NLE1: variants seen among roughly 807,000 people sequenced by gnomAD.
NLE1 encodes the protein notchless protein homolog 1.
A neutral mutation model predicts 62.8 loss-of-function variants in NLE1; 37 were observed. The observed-to-expected ratio is 0.59, with a 90% CI of 0.45 to 0.78. NLE1 has a LOEUF of 0.78. Ranked by LOEUF, NLE1 falls within the 30% of genes least tolerant of loss-of-function variation. The pLI, the probability that NLE1 is intolerant of heterozygous loss-of-function variation, is 0.00. For missense variants in NLE1, 555 were observed against 637.9 expected (o/e 0.87, Z 1.40); for synonymous variants, 243 against 253.0 (o/e 0.96, Z 0.37).
At chr17:35,141,098 G>A (rs1310888922) in intron 2 of NLE1, among the ~76,000 whole-genome samples, 2 of 152,162 alleles carry the variant, frequency 1.3e-5, no homozygotes, top group South Asian at 2.1e-4. Flanking sequence ...CACTATATTT[G>A]TGTAAAAAGC....
chr17:35,139,795 A>G lies in NLE1; in HGVS notation c.380+54T>C, dbSNP rs1597894332. 7 of 1,587,040 alleles carry G rather than the reference A, an allele frequency of 4.4e-6. No homozygotes were observed. The East Asian group carries it at 9.0e-5, about 20-fold the overall frequency. On this transcript the variant is annotated intron_variant, in intron 3 of 12. Coordinates refer to ENST00000442241, the MANE Select transcript of NLE1 (RefSeq NM_018096.5). ...AACTCTGGGAGACCCTCCCCAAACCAGGCAAAGACTGCACCCCCACATACC... is the reference window on the plus strand; with the variant it reads ...AACTCTGGGAGACCCTCCCCAAACCGGGCAAAGACTGCACCCCCACATACC...
At chr17:35,141,758 T>C (rs922335252) in intron 2 of NLE1, among the ~76,000 whole-genome samples, 1 of 152,136 alleles carries the variant, frequency 6.6e-6, no homozygotes, top group Non-Finnish European at 1.5e-5. Context: ...CAGCATCCGG[T>C]GCGTTCAAAG....
In NLE1 at chr17:35,130,202, A is replaced by G. The variant is rs1444011644; in HGVS notation, c.*2235T>C. On this transcript the variant is annotated 3_prime_UTR_variant, in exon 13 of 13. Transcript: ENST00000442241. ...AAGGTCTGAGTCAGCAGACAGAAAA[A>G]AAAGGGGTGATAGAGACAGAGAGAG... 21 of 1,542,598 alleles carry G rather than the reference A, an allele frequency of 1.4e-5. No individual in the cohort carries two copies. Among genetic ancestry groups the G allele is most frequent in the Non-Finnish European group, 1.8e-5 (21 of 1,147,384 alleles).
rs1320641848 is a variant in NLE1, at chr17:35,141,988, T to C, written c.153A>G (p.Leu51=). The C allele has an allele frequency of 1.3e-6, 2 of 1,585,716 alleles. No homozygotes were observed. The highest frequency in any genetic ancestry group is 1.7e-6 in the Non-Finnish European group (2 of 1,167,388). The change falls in exon 2 of 13, where the codon CTA becomes CTG. Residue 51 remains leucine (L), a synonymous_variant. Coordinates refer to ENST00000442241, the MANE Select transcript of NLE1 (RefSeq NM_018096.5). ...CTGGCCAGCCACTTACCTGGGCCAGTAGCGCGTTGCACACGAGCTGCAGCC... is the reference window on the plus strand; with the variant it reads ...CTGGCCAGCCACTTACCTGGGCCAGCAGCGCGTTGCACACGAGCTGCAGCC... ...PDRLQLVCNA[L]LAQEDPLPLA... is the part of the protein sequence containing the mutation.
rs2091879534 is a variant in NLE1, at chr17:35,132,173, A to AG, written c.*263dup. ...GCTGCCCACCACCCCTGTCTGTACC[A>AG]GCAAGGTACAGAGTAGCAGACACGG... On this transcript the variant is annotated 3_prime_UTR_variant, in exon 13 of 13. Coordinates refer to ENST00000442241, the MANE Select transcript of NLE1 (RefSeq NM_018096.5). The AG allele has an allele frequency of 3.0e-6, 1 of 331,554 alleles. No homozygotes were observed. Among genetic ancestry groups the AG allele is most frequent in the Admixed American group, 4.9e-5 (1 of 20,404 alleles). The allele number at this position is 331,554 out of a possible 1,614,324, so 20.5% of individuals were successfully genotyped here. A position where few individuals can be genotyped will look rare whatever the true frequency, so the allele number is the denominator to read the frequency against.
chr17:35,135,219 T>C (rs985956722), intron 10 of NLE1, 30 bp downstream of exon 10: 2 of 1,609,346 alleles, frequency 1.2e-6, no homozygotes, highest in Admixed American at 3.3e-5. Flanking sequence ...ATTCACTCCT[T>C]ACAGAGAAGC....
chr17:35,142,216 G>T, intron 1 of NLE1, 42 bp downstream of exon 1: 1 of 1,565,584 alleles, frequency 6.4e-7, no homozygotes. Flanking sequence ...GGGCCCTAGC[G>T]CCCCGCGGCG....
chr17:35,133,100 G>C (rs2091886880), intron 12 of NLE1, 71 bp downstream of exon 12: 1 of 1,414,434 alleles, frequency 7.1e-7, no homozygotes, highest in Admixed American at 1.7e-5. Context: ...TGCTGTAAGG[G>C]AAAGTGTGCA....
At position 35,129,528 on chromosome 17, in the gene NLE1, G is replaced by A. The variant is rs140062829; in HGVS notation, c.*2909C>T. ...AATGAGTTGCCCGAGGCAAAGAATC[G>A]TCCATGGATCTTCAACAAGATTTTG... On this transcript the variant is annotated 3_prime_UTR_variant, in exon 13 of 13. Transcript: ENST00000442241. The A allele has an allele frequency of 4.6e-4, 739 of 1,614,172 alleles. 9 individuals are homozygous for A. The South Asian group carries it at 6.9e-3, about 15-fold the overall frequency.
At chr17:35,133,316 C>T in intron 11 of NLE1, 23 bp downstream of exon 11, 1 of 1,614,210 alleles carries the variant, frequency 6.2e-7, no homozygotes, top group Non-Finnish European at 8.5e-7. Context: ...CCAGTCCCTC[C>T]TTTGCCTGAG....
intron 2 of NLE1, 120 bp from the exon 3 acceptor site, chr17:35,140,186 G>T: frequency 9.1e-7 from 1 of 1,102,980 alleles, no homozygotes; most frequent in Admixed American, 2.6e-5. Flanking sequence ...CATCGTGCTA[G>T]GGATACCCCC....
chr17:35,133,027 G>T (rs2091886380), intron 12 of NLE1, 144 bp downstream of exon 12: 1 of 790,696 alleles, frequency 1.3e-6, no homozygotes, highest in Admixed American at 2.2e-5. Flanking sequence ...TGCCCACTGA[G>T]AATCTGGCTC....
chr17:35,139,780 G>T, intron 3 of NLE1, 69 bp downstream of exon 3: 1 of 1,572,564 alleles, frequency 6.4e-7, no homozygotes, highest in South Asian at 1.1e-5. Flanking sequence ...AACTCTGGGA[G>T]ACCCTCCCCA....
chr17:35,136,585 A>C (rs1011948998), intron 7 of NLE1, 88 bp from the exon 8 acceptor site: 19 of 1,477,266 alleles, frequency 1.3e-5, no homozygotes, highest in Non-Finnish European at 1.7e-5. Context: ...CAAGACTAAT[A>C]ATCATCATCA....
rs377538995 is a variant in NLE1, at chr17:35,136,149, C to T, written c.1011+20G>A. On this transcript the variant is annotated intron_variant, in intron 9 of 12. Coordinates refer to ENST00000442241, the MANE Select transcript of NLE1 (RefSeq NM_018096.5). ...GGACTGGTACAGAGCTAGGGGTGCA[C>T]GTGGCTGGCACACACTCACCCGCAC... The T allele has an allele frequency of 1.6e-5, 26 of 1,613,496 alleles. No homozygotes were observed. Among genetic ancestry groups the T allele is most frequent in the Admixed American group, 5.0e-5 (3 of 59,992 alleles).
rs75744810 is a variant in NLE1, at chr17:35,129,321, C to T, written c.*3116G>A. On this transcript the variant is annotated 3_prime_UTR_variant, in exon 13 of 13. Coordinates refer to ENST00000442241, the MANE Select transcript of NLE1 (RefSeq NM_018096.5). ...TGACCTGCCTGGGCCCCAGCAGGAG[C>T]AGGGGATGGGCATGGGACGTCCTGA... 1 of 1,461,782 alleles carries T rather than the reference C, an allele frequency of 6.8e-7. No individual in the cohort carries two copies. Among genetic ancestry groups the T allele is most frequent in the Non-Finnish European group, 9.3e-7 (1 of 1,073,444 alleles). The allele number at this position is 1,461,782 out of a possible 1,614,324, so 90.6% of individuals were successfully genotyped here.
chr17:35,142,197 C>T (rs1401893840), intron 1 of NLE1, 61 bp downstream of exon 1: 4 of 1,588,504 alleles, frequency 2.5e-6, no homozygotes, highest in Admixed American at 3.5e-5. Flanking sequence ...TCTCAGGCCT[C>T]AGGGACCCGG....
Position 35,130,276 on chromosome 17 carries a change from C to T in NLE1, c.*2161G>A, listed in dbSNP as rs2142496211. 3 of 1,613,118 alleles carry T rather than the reference C, an allele frequency of 1.9e-6. No homozygotes were observed. In the South Asian group the frequency reaches 3.3e-5, roughly 18 times the overall value. On this transcript the variant is annotated 3_prime_UTR_variant, in exon 13 of 13. Transcript: ENST00000442241. The stretch of plus-strand genomic sequence containing the variant: ...AACTCTGAAGGGTTTTCTTGTTTCA[C>T]TTCAGTTTGCAACCCTGGCCACTGA...
At chr17:35,133,659 C>G (rs919682839) in intron 10 of NLE1, among the ~76,000 whole-genome samples, 161 bp from the exon 11 acceptor site, 1 of 152,202 alleles carries the variant, frequency 6.6e-6, no homozygotes, top group African/African-American at 2.4e-5. Flanking sequence ...CCATCCCAGA[C>G]CATTTTTAAT....
Sources: allele counts gnomAD v4.1 joint callset (sites outside exome capture counted in the v4.1 genomes callset), GRCh38; gene constraint gnomAD v4.1.1; transcripts MANE v1.5; gene names NCBI Gene and HGNC (gene_info 2026-07-23, HGNC 2026-07-21).